Variants in KDM6A observed in about 807,000 individuals in gnomAD.
KDM6A encodes the protein lysine-specific demethylase 6A.
A neutral mutation model predicts 117.6 loss-of-function variants in KDM6A; 11 were observed. The ratio of observed to expected loss-of-function variants is 0.09; its 90% confidence interval spans 0.06 to 0.15. The LOEUF is 0.15. Ranked by LOEUF, KDM6A falls within the 10% of genes least tolerant of loss-of-function variation. The pLI, the probability that KDM6A is intolerant of heterozygous loss-of-function variation, is 1.00. For synonymous variants in KDM6A, 384 were observed against 396.1 expected, an observed-to-expected ratio of 0.97 and a Z score of 0.36; for missense variants, 799 against 1,077.3, an observed-to-expected ratio of 0.74 and a Z score of 3.62.
intron 4 of KDM6A, among the ~76,000 whole-genome samples, chrX:45,010,294 T>G (rs2041694803): frequency 9.2e-6 from 1 of 108,599 alleles, no homozygotes; most frequent in South Asian, 4.1e-4. Flanking sequence ...GTGATCGCGT[T>G]GGGGTGACAG....
intron 8 of KDM6A, among the ~76,000 whole-genome samples, chrX:45,042,571 A>G (rs2147856639): frequency 9.0e-6 from 1 of 111,708 alleles, no homozygotes; most frequent in East Asian, 2.8e-4. Context: ...ATATGGATTT[A>G]GGAAATTTAA....
rs574240471 is a variant in KDM6A, at chrX:45,007,939, T to C, written c.385-3022T>C. On this transcript the variant is annotated intron_variant, in intron 4 of 29. Transcript: ENST00000611820. ...ACCTTTTGAAAGAGTTGATGTTAGA[T>C]ATTGCATAAAACTAAGTTTTTACTG... Among the ~76,000 whole-genome samples the C allele has an allele frequency of 1.6e-4, 18 of 111,991 alleles. No individual in the cohort carries two copies. The South Asian group carries it at 6.3e-3, about 39-fold the overall frequency.
At chrX:45,041,117 C>CA (rs2043149503) in intron 8 of KDM6A, among the ~76,000 whole-genome samples, 3 of 67,102 alleles carry the variant, frequency 4.5e-5, no homozygotes, top group African/African-American at 2.1e-4. Context: ...GCTGGCCGGG[C>CA]GGGGGGCTGA....
intron 2 of KDM6A, among the ~76,000 whole-genome samples, chrX:44,914,494 GGAAAT>G (rs2035431047): frequency 9.1e-6 from 1 of 110,480 alleles, no homozygotes; most frequent in South Asian, 3.7e-4. Flanking sequence ...GGTAGATAAA[GGAAAT>G]GAAGGAAATG....
At chrX:45,011,053 T>G (rs1341026174) in intron 5 of KDM6A, 34 bp downstream of exon 5, 1 of 1,023,484 alleles carries the variant, frequency 9.8e-7, no homozygotes, top group Non-Finnish European at 1.4e-6. Context: ...TTCAGTCATT[T>G]TCAGTAAATG....
chrX:45,079,490 C>T, intron 21 of KDM6A, 139 bp downstream of exon 21: 1 of 475,274 alleles, frequency 2.1e-6, no homozygotes, highest in Non-Finnish European at 3.6e-6. Flanking sequence ...CTCCAGTTGT[C>T]TCGTATGTAT....
Position 44,909,642 on chromosome X carries a change from A to G in KDM6A, c.225+35655A>G, listed in dbSNP as rs759008012. On this transcript the variant is annotated intron_variant, in intron 2 of 29. Transcript: ENST00000611820. ...AGTCATCTATACATTTCTGTAATGT[A>G]CTGTGAAATAAGAAGTAGGACAAAA... Among the ~76,000 whole-genome samples, 4 of 112,275 alleles carry G rather than the reference A, an allele frequency of 3.6e-5. No individual in the cohort carries two copies. The South Asian group carries it at 1.5e-3, about 41-fold the overall frequency.
At chrX:45,006,929 CA>C (rs1208370380) in intron 4 of KDM6A, among the ~76,000 whole-genome samples, 28 of 100,861 alleles carry the variant, frequency 2.8e-4, no homozygotes, top group African/African-American at 3.2e-4. Context: ...GACTCTATCT[CA>C]AAAAAAAAAA....
chrX:45,044,691 A>G (rs372694211), intron 8 of KDM6A, among the ~76,000 whole-genome samples: 1 of 112,001 alleles, frequency 8.9e-6, no homozygotes, highest in Admixed American at 9.5e-5. Flanking sequence ...ATTTTAACTT[A>G]ATCTTGTATC....
chrX:45,095,576 T>G (rs1005624451), intron 27 of KDM6A, among the ~76,000 whole-genome samples: 17 of 112,064 alleles, frequency 1.5e-4, no homozygotes, highest in African/African-American at 5.5e-4. Flanking sequence ...TCCATATCAT[T>G]GCTCTGGTCT....
chrX:44,968,866 C>T (rs370099262), intron 3 of KDM6A, among the ~76,000 whole-genome samples: 4 of 107,948 alleles, frequency 3.7e-5, no homozygotes, highest in Admixed American at 1.0e-4. Flanking sequence ...GCTACTTGAG[C>T]GGCTAAGGCA....
intron 24 of KDM6A, among the ~76,000 whole-genome samples, chrX:45,084,415 A>G (rs1030734495): frequency 4.5e-5 from 5 of 111,554 alleles, no homozygotes; most frequent in South Asian, 3.7e-4. Flanking sequence ...AGCTGTACCA[A>G]TGTACTTGGG....
chrX:44,991,852 A>G (rs1340348847), intron 4 of KDM6A, among the ~76,000 whole-genome samples: 2 of 93,299 alleles, frequency 2.1e-5, no homozygotes, highest in East Asian at 2.9e-4. Flanking sequence ...ACGCCTGACT[A>G]ATTTTTTTTT....
At chrX:44,899,039 T>TGTGTGTGTGTG (rs2034132491) in intron 2 of KDM6A, among the ~76,000 whole-genome samples, 9 of 32,211 alleles carry the variant, frequency 2.8e-4, no homozygotes, top group African/African-American at 1.6e-3. Context: ...GTGTGTGTGT[T>TGTGTGTGTGTG]TGTTTGTTTT....
chrX:45,111,334 T>C (rs753044966), intron 29 of KDM6A, 48 bp from the exon 30 acceptor site: 1 of 1,003,973 alleles, frequency 1.0e-6, no homozygotes, highest in South Asian at 1.9e-5. Flanking sequence ...AGCCATGAGC[T>C]ATTAACAATT....
At chrX:44,945,976 C>T (rs764434609) in intron 2 of KDM6A, among the ~76,000 whole-genome samples, 35 of 112,379 alleles carry the variant, frequency 3.1e-4, no homozygotes, top group African/African-American at 1.1e-3. Flanking sequence ...TAAACAGACA[C>T]GGGCCCTTAT....
chrX:45,028,698 C>CA (rs1353999967), intron 6 of KDM6A, among the ~76,000 whole-genome samples: 1 of 111,630 alleles, frequency 9.0e-6, no homozygotes, highest in Non-Finnish European at 1.9e-5. Context: ...TGTACTTTAC[C>CA]AATTTCCTAG....
intron 4 of KDM6A, among the ~76,000 whole-genome samples, chrX:45,005,211 T>C (rs1407438557): frequency 1.8e-5 from 2 of 110,114 alleles, no homozygotes; most frequent in East Asian, 5.7e-4. Context: ...GTCAGAGTTA[T>C]AAGGAGGAGG....
chrX:44,873,350 C>G lies in KDM6A; in HGVS notation c.-202C>G. The G allele has an allele frequency of 2.0e-6, 1 of 505,365 alleles. No homozygotes were observed. The highest frequency in any genetic ancestry group is 3.1e-6 in the Non-Finnish European group (1 of 321,322). 41.6% of individuals were successfully genotyped at this position (505,365 alleles called of 1,213,427 possible). A position where few individuals can be genotyped will look rare whatever the true frequency, so the allele number is the denominator to read the frequency against. On this transcript the variant is annotated 5_prime_UTR_variant, in exon 1 of 30. Transcript: ENST00000611820. ...ACAGCCGAAAGCCGCCGCTGCCGAC[C>G]CGGGGGCTCCGCAGCCCCTGCCGCC...
Sources: gnomAD v4.1 joint callset for allele counts (sites outside exome capture counted in the v4.1 genomes callset) on GRCh38, gnomAD v4.1.1 for gene constraint, MANE v1.5 for transcripts, NCBI Gene and HGNC (gene_info 2026-07-23, HGNC 2026-07-21) for gene names.